Variants in ZHX1 observed in about 807,000 individuals in gnomAD.
ZHX1 encodes zinc fingers and homeoboxes 1.
ZHX1 carries 20 observed loss-of-function variants against 61.8 expected under a neutral mutation model. The ratio of observed to expected loss-of-function variants is 0.32; its 90% CI spans 0.23 to 0.47. The LOEUF is 0.47. Ranked by LOEUF, ZHX1 falls within the 20% of genes least tolerant of loss-of-function variation. The pLI is 1.00. For missense variants in ZHX1, 800 were observed against 1,034.8 expected (o/e 0.77, Z 3.11); for synonymous variants, 318 against 352.6 (o/e 0.90, Z 1.10).
intron 1 of ZHX1, among the ~76,000 whole-genome samples, chr8:123,273,334 C>G (rs1826721997): frequency 6.6e-6 from 1 of 152,170 alleles, no homozygotes; most frequent in African/African-American, 2.4e-5. Flanking sequence ...TGCCCTTAGA[C>G]CTTGTTCCTC....
upstream of ZHX1, chr8:123,274,483 G>T (rs1826780068): frequency 6.6e-6 from 1 of 151,970 alleles, no homozygotes; most frequent in Admixed American, 6.5e-5. Context: ...TCCCGCGCGC[G>T]CGTCCTCCGC....
intron 2 of ZHX1, among the ~76,000 whole-genome samples, chr8:123,261,719 T>C (rs1314489783): frequency 6.6e-6 from 1 of 152,200 alleles, no homozygotes; most frequent in African/African-American, 2.4e-5. Context: ...CTTCACTTAC[T>C]TTGATACAAA....
intron 2 of ZHX1, among the ~76,000 whole-genome samples, chr8:123,263,774 C>T (rs1470085539): frequency 6.6e-6 from 1 of 151,788 alleles, no homozygotes; most frequent in East Asian, 1.9e-4. Flanking sequence ...GCAGAGGTTG[C>T]AGTGAGCCGA....
chr8:123,257,626 C>G (rs1380627805), intron 2 of ZHX1, among the ~76,000 whole-genome samples: 1 of 152,184 alleles, frequency 6.6e-6, no homozygotes, highest in African/African-American at 2.4e-5. Context: ...TGAAACTCTT[C>G]CACCTCAGAT....
Position 123,255,639 on chromosome 8 carries a change from A to T in ZHX1, c.308T>A (p.Val103Asp), listed in dbSNP as rs754978851. Residue 103 changes from valine to aspartate, a missense_variant, in exon 3 of 4, where the codon GTT becomes GAT. By Grantham distance (152) the Val-to-Asp change is radical (BLOSUM62 -3). Coordinates refer to ENST00000395571, the MANE Select transcript of ZHX1 (RefSeq NM_007222.5). ...HPNVVLNSSY[V>D]CVECNFLTKR... ...GGTAAGAAAATTGCATTCGACACAA[A>T]CATAGGATGAATTTAGCACTACATT... 1.2e-6 allele frequency: 2 copies of T among 1,613,780 alleles called. No individual in the cohort carries two copies. The highest frequency in any genetic ancestry group is 1.7e-6 in the Non-Finnish European group (2 of 1,180,012).
At chr8:123,268,963 C>T (rs1826554938) in intron 1 of ZHX1, among the ~76,000 whole-genome samples, 1 of 152,096 alleles carries the variant, frequency 6.6e-6, no homozygotes. Flanking sequence ...TAGTAAAATA[C>T]CTCTAGGTTA....
intron 2 of ZHX1, among the ~76,000 whole-genome samples, chr8:123,256,632 C>T (rs1826076623): frequency 6.6e-6 from 1 of 151,940 alleles, no homozygotes; most frequent in South Asian, 2.1e-4. Context: ...GGCGTGGTGG[C>T]AGGTGCCTGT....
At chr8:123,260,129 G>A (rs1262033039) in intron 2 of ZHX1, among the ~76,000 whole-genome samples, 2 of 151,888 alleles carry the variant, frequency 1.3e-5, no homozygotes, top group African/African-American at 4.8e-5. Context: ...CTGCACTCCA[G>A]CCTGGGTGAC....
At chr8:123,264,948 G>T (rs1466755395) in intron 2 of ZHX1, among the ~76,000 whole-genome samples, 1 of 150,374 alleles carries the variant, frequency 6.7e-6, no homozygotes, top group Non-Finnish European at 1.5e-5. Context: ...CAGCACTTTG[G>T]GAGGCCGAGG....
rs1825882964 is a variant in ZHX1, at chr8:123,250,279, T to A, written c.*45A>T. 1 of 445,240 alleles carries A rather than the reference T, an allele frequency of 2.2e-6. No homozygotes were observed. Among genetic ancestry groups the A allele is most frequent in the Non-Finnish European group, 4.5e-6 (1 of 221,810 alleles). The allele number at this position is 445,240 out of a possible 1,614,324, so 27.6% of individuals were successfully genotyped here. A position where few individuals can be genotyped will look rare whatever the true frequency, so the allele number is the denominator to read the frequency against. On this transcript the variant is annotated 3_prime_UTR_variant, in exon 4 of 4. Transcript: ENST00000395571. ...GGGCAAATTCACAGTAAATCAGACA[T>A]CTTGAGTTGAAGAATTGATTCTCCT...
rs768992606 is a variant in ZHX1 at position 123,254,710 on chromosome 8, T to C, written c.1237A>G (p.Ile413Val). 5.0e-6 allele frequency: 8 copies of C among 1,614,234 alleles called. No individual in the cohort carries two copies. Among genetic ancestry groups the C allele is most frequent in the South Asian group, 4.4e-5 (4 of 91,086 alleles). ...GGAACGCCTGCCACTGTCAAGGCTA[T>C]AGGTGCTGTAACTGGCAAGGTGTTT... ...GTNTLPVTAPIALTVAGVPSQ... is the reference protein window; with the variant it reads ...GTNTLPVTAPVALTVAGVPSQ... The change falls in exon 3 of 4, where the codon ATA becomes GTA. Residue 413 changes from isoleucine (I) to valine (V), a missense_variant. Coordinates refer to ENST00000395571, the MANE Select transcript of ZHX1 (RefSeq NM_007222.5). The surrounding 1 kb of genome is among the most constrained non-coding windows in gnomAD (Gnocchi z 4.1).
intron 2 of ZHX1, chr8:123,256,931 T>A (rs911133644): frequency 6.6e-5 from 10 of 152,002 alleles, no homozygotes; most frequent in Non-Finnish European, 1.0e-4. Flanking sequence ...ATTATTATTA[T>A]TTTTTGAGAC....
rs1826001329 is a variant in ZHX1 at position 123,254,194 on chromosome 8, C to A, written c.1753G>T (p.Ala585Ser). 6.2e-7 allele frequency: 1 copy of A among 1,613,956 alleles called. No homozygotes were observed. The highest frequency in any genetic ancestry group is 1.1e-5 in the South Asian group (1 of 91,084). The change falls in exon 3 of 4, where the codon GCA becomes TCA. Residue 585 changes from alanine (A) to serine (S), a missense_variant. Physicochemically the swap from Ala to Ser is moderately conservative, Grantham distance 99 (BLOSUM62 1). Transcript: ENST00000395571. The surrounding 1 kb of genome is among the most constrained non-coding windows in gnomAD (Gnocchi z 4.1). ...KTAEQLRVLQ[A>S]SFLNSSVLTD... is the part of the protein sequence containing the mutation. ...AGTACAGAGCTGTTGAGAAAACTTGCCTGAAGGACACGAAGCTGCTCTGCA... is the reference window on the plus strand; with the variant it reads ...AGTACAGAGCTGTTGAGAAAACTTGACTGAAGGACACGAAGCTGCTCTGCA...
At chr8:123,271,961 C>A (rs530113314) in intron 1 of ZHX1, among the ~76,000 whole-genome samples, 14 of 152,348 alleles carry the variant, frequency 9.2e-5, no homozygotes, top group African/African-American at 3.1e-4. Context: ...TTCAAACCAT[C>A]TGGCATTAAT....
chr8:123,274,357 G>C (rs1399035336), upstream of ZHX1: 1 of 152,386 alleles, frequency 6.6e-6, no homozygotes, highest in African/African-American at 2.4e-5. Context: ...GGCCTCAGCA[G>C]CTCGGTGGCC....
At chr8:123,257,982 T>C (rs16898203) in intron 2 of ZHX1, among the ~76,000 whole-genome samples, 1,816 of 152,330 alleles carry the variant, frequency 0.012, 40 homozygotes, top group African/African-American at 0.042. Context: ...CCACCATCCA[T>C]ATCTGTGGTC....
chr8:123,254,657 C>G lies in ZHX1; in HGVS notation c.1290G>C (p.Gln430His). 6.2e-7 allele frequency: 1 copy of G among 1,614,108 alleles called. No homozygotes were observed. The highest frequency in any genetic ancestry group is 8.5e-7 in the Non-Finnish European group (1 of 1,180,012). Residue 430 changes from glutamine to histidine, a missense_variant, in exon 3 of 4, where the codon CAG (glutamine) becomes CAC (histidine). Coordinates refer to ENST00000395571, the MANE Select transcript of ZHX1 (RefSeq NM_007222.5). The surrounding 1 kb of genome is among the most constrained non-coding windows in gnomAD (Gnocchi z 4.1). ...VPSQNNIQKS[Q>H]VPAAQPTAET... ...CTGCAGTAGGCTGAGCAGCAGGTAC[C>G]TGACTTTTCTGTATATTATTTTGAC...
At position 123,255,151 on chromosome 8, in the gene ZHX1, C is replaced by T; in HGVS notation, c.796G>A (p.Ala266Thr). ...VLPGLAQVIT[A>T]VSAQQNSNLI... The stretch of plus-strand genomic sequence containing the variant: ...TTAGAATTCTGCTGAGCAGATACAG[C>T]AGTTATCACCTGTGCCAATCCAGGA... Residue 266 changes from alanine (A) to threonine (T), a missense_variant, in exon 3 of 4, where the codon GCT (alanine) becomes ACT (threonine). Ala to Thr is a moderately conservative substitution (Grantham distance 58). Transcript: ENST00000395571. 1 of 1,614,188 alleles carries T rather than the reference C, an allele frequency of 6.2e-7. No individual in the cohort carries two copies. Among genetic ancestry groups the T allele is most frequent in the African/African-American group, 1.3e-5 (1 of 75,058 alleles).
At chr8:123,259,754 TC>T (rs149857975) in intron 2 of ZHX1, among the ~76,000 whole-genome samples, 2,646 of 152,354 alleles carry the variant, frequency 0.017, 59 homozygotes, top group African/African-American at 0.06. Flanking sequence ...CAAGAGGGTT[TC>T]TTTCTGAAAC....
Sources: allele counts gnomAD v4.1 joint callset (sites outside exome capture counted in the v4.1 genomes callset), GRCh38; gene constraint gnomAD v4.1.1; non-coding constraint Gnocchi (gnomAD v3.1); transcripts MANE v1.5; gene names NCBI Gene and HGNC (gene_info 2026-07-23, HGNC 2026-07-21).